CADM1: variants seen among roughly 807,000 people sequenced by gnomAD.
CADM1 encodes the protein TSLC-1.
Under a neutral mutation model 53.1 loss-of-function variants are expected in CADM1, and 15 were observed. The observed-to-expected ratio is 0.28, with a 90% confidence interval of 0.19 to 0.44. CADM1 has a LOEUF of 0.44. Ranked by LOEUF, CADM1 falls within the 20% of genes least tolerant of loss-of-function variation. The probability of loss-of-function intolerance (pLI) is 1.00; values close to 1 mark genes in which losing one functional copy is unlikely to be tolerated. For synonymous variants in CADM1, 281 were observed against 243.0 expected (o/e 1.16, Z -1.45); for missense variants, 434 against 611.3 (o/e 0.71, Z 3.06).
chr11:115,500,538 A>G (rs1949706997), intron 1 of CADM1, among the ~76,000 whole-genome samples: 1 of 152,234 alleles, frequency 6.6e-6, no homozygotes, highest in Admixed American at 6.5e-5. Context: ...AAACTCCAAG[A>G]GCACCATCAA....
chr11:115,340,741 A>C (rs961243417), intron 1 of CADM1, among the ~76,000 whole-genome samples: 3 of 139,586 alleles, frequency 2.1e-5, no homozygotes, highest in African/African-American at 8.1e-5. Flanking sequence ...GCTCACTGCA[A>C]CCTCTGCCTC....
intron 1 of CADM1, among the ~76,000 whole-genome samples, chr11:115,296,283 G>A (rs1307445358): frequency 6.6e-6 from 1 of 152,184 alleles, no homozygotes; most frequent in Non-Finnish European, 1.5e-5. Context: ...CCCACTGGAA[G>A]TGAGTTCTCC....
At chr11:115,346,757 T>A (rs1024457474) in intron 1 of CADM1, among the ~76,000 whole-genome samples, 1 of 152,096 alleles carries the variant, frequency 6.6e-6, no homozygotes, top group African/African-American at 2.4e-5. Context: ...CCATCACACC[T>A]TATATGGGCT....
chr11:115,175,161 C>T lies in CADM1; in HGVS notation c.*1313G>A, dbSNP rs1938965247. 8 of 985,604 alleles carry T rather than the reference C, an allele frequency of 8.1e-6. No individual in the cohort carries two copies. The highest frequency in any genetic ancestry group is 6.2e-5 in the Admixed American group (1 of 16,254). The allele number at this position is 985,604 out of a possible 1,614,324, so 61.1% of individuals were successfully genotyped here. On this transcript the variant is annotated 3_prime_UTR_variant, in exon 12 of 12. Coordinates refer to ENST00000331581, the MANE Select transcript of CADM1 (RefSeq NM_001301043.2). ...TGAAAATCCGTACATGCTGTTTTTC[C>T]ACCTCTGCTCTGACCTATCGAGAAC...
intron 1 of CADM1, among the ~76,000 whole-genome samples, chr11:115,358,978 A>G (rs1270508239): frequency 2.6e-5 from 4 of 152,320 alleles, no homozygotes; most frequent in Middle Eastern, 3.4e-3. Context: ...TGTGCTTCCC[A>G]TATCAAGCAA....
chr11:115,213,923 G>T (rs4938189), intron 7 of CADM1, among the ~76,000 whole-genome samples: 150,363 of 152,278 alleles, frequency 0.99, 74,273 homozygotes, highest in East Asian at 1. Context: ...TATTCACCAT[G>T]TGCAAAATCA....
intron 10 of CADM1, among the ~76,000 whole-genome samples, chr11:115,186,261 A>AT (rs1266983644): frequency 6.6e-6 from 1 of 152,166 alleles, no homozygotes; most frequent in Non-Finnish European, 1.5e-5. Context: ...AACTGATCCC[A>AT]TAATTTAGGG....
intron 1 of CADM1, among the ~76,000 whole-genome samples, chr11:115,265,614 T>C (rs765434023): frequency 6.6e-6 from 1 of 152,226 alleles, no homozygotes; most frequent in Non-Finnish European, 1.5e-5. Flanking sequence ...CCTACCTGTG[T>C]TGTAAACACA....
intron 9 of CADM1, chr11:115,193,987 C>T (rs1940024611): frequency 6.6e-6 from 1 of 152,178 alleles, no homozygotes; most frequent in African/African-American, 2.4e-5. Flanking sequence ...AGAGTTTTCC[C>T]TTCTTCCCAT....
At chr11:115,388,815 A>G (rs1043311895) in intron 1 of CADM1, among the ~76,000 whole-genome samples, 21 of 152,166 alleles carry the variant, frequency 1.4e-4, no homozygotes, top group African/African-American at 1.9e-4. Context: ...TTGAAGAGAC[A>G]TAACAGCTAG....
intron 2 of CADM1, 79 bp from the exon 3 acceptor site, chr11:115,238,731 T>C: frequency 7.1e-7 from 1 of 1,411,770 alleles, no homozygotes; most frequent in Non-Finnish European, 1.0e-6. Flanking sequence ...TATTACATCT[T>C]GCTGTATCTG....
intron 1 of CADM1, among the ~76,000 whole-genome samples, chr11:115,372,690 A>G (rs559752738): frequency 6.6e-6 from 1 of 152,340 alleles, no homozygotes; most frequent in Admixed American, 6.5e-5. Context: ...CTTCTTTTTC[A>G]CCTATTATCA....
intron 1 of CADM1, among the ~76,000 whole-genome samples, chr11:115,470,957 C>T (rs531282715): frequency 6.6e-6 from 1 of 152,310 alleles, no homozygotes; most frequent in East Asian, 1.9e-4. Flanking sequence ...TACGTGCTCC[C>T]TTTCCTCGTG....
chr11:115,435,531 G>A (rs751140769), intron 1 of CADM1, among the ~76,000 whole-genome samples: 2 of 152,012 alleles, frequency 1.3e-5, no homozygotes, highest in African/African-American at 2.4e-5. Context: ...TCAGGAGTTC[G>A]AGACCAGCCT....
chr11:115,420,094 T>C (rs1947715539), intron 1 of CADM1, among the ~76,000 whole-genome samples: 1 of 152,172 alleles, frequency 6.6e-6, no homozygotes. Flanking sequence ...ACTACTGAAT[T>C]AGACTCTCCA....
intron 1 of CADM1, among the ~76,000 whole-genome samples, chr11:115,324,760 G>A (rs1430747074): frequency 6.6e-6 from 1 of 152,148 alleles, no homozygotes; most frequent in African/African-American, 2.4e-5. Flanking sequence ...TGTGCTTCCT[G>A]TTTCCTGTAG....
intron 1 of CADM1, among the ~76,000 whole-genome samples, chr11:115,344,501 T>C (rs1424098582): frequency 6.6e-6 from 1 of 152,144 alleles, no homozygotes; most frequent in Admixed American, 6.5e-5. Flanking sequence ...CCCTTCTCCA[T>C]TGTTTCAACC....
At chr11:115,204,920 G>T (rs1309237902) in intron 8 of CADM1, among the ~76,000 whole-genome samples, 1 of 152,102 alleles carries the variant, frequency 6.6e-6, no homozygotes, top group South Asian at 2.1e-4. Flanking sequence ...AATAAGAAAA[G>T]CCTGGCTATT....
chr11:115,265,163 C>A (rs1160368439), intron 1 of CADM1, among the ~76,000 whole-genome samples: 1 of 152,196 alleles, frequency 6.6e-6, no homozygotes, highest in African/African-American at 2.4e-5. Context: ...ATCAGGAAAA[C>A]AGTTTTCTGC....
Sources: allele counts gnomAD v4.1 joint callset (sites outside exome capture counted in the v4.1 genomes callset), GRCh38; gene constraint gnomAD v4.1.1; transcripts MANE v1.5; gene names NCBI Gene and HGNC (gene_info 2026-07-23, HGNC 2026-07-21).